Variants in ADCY9 observed in about 807,000 individuals in gnomAD.
The protein encoded by ADCY9 is adenylate cyclase type 9.
ADCY9 carries 50 observed loss-of-function variants against 101.5 expected under a neutral mutation model. The observed-to-expected ratio is 0.49, with a 90% CI of 0.39 to 0.62. The LOEUF (loss-of-function observed/expected upper bound fraction) is 0.62, where lower values mean the gene tolerates loss of function less well. ADCY9 is among the 20% of genes least tolerant of loss of function. ADCY9 has a pLI of 0.00. For synonymous variants in ADCY9, 905 were observed against 769.3 expected (o/e 1.18, Z -2.92); for missense variants, 1,662 against 1,800.4 (o/e 0.92, Z 1.39).
At position 3,963,143 on chromosome 16, in the gene ADCY9, T is replaced by TATATATATATATAC. The variant is rs1555504954; in HGVS notation, c.*2631_*2632insGTATATATATATAT. 1.3e-5 allele frequency: 2 copies of TATATATATATATAC among 157,108 alleles called. No individual in the cohort carries two copies. The highest frequency in any genetic ancestry group is 6.4e-5 in the African/African-American group (2 of 31,476). 9.7% of individuals were successfully genotyped at this position (157,108 alleles called of 1,614,324 possible). On this transcript the variant is annotated 3_prime_UTR_variant, in exon 11 of 11. Transcript: ENST00000294016. ...ATATATATATATATATATATATATA[T>TATATATATATATAC]GGATATATAATTCGATCTGAGCTGG...
rs370505891 is a variant in ADCY9, at chr16:4,028,233, C to T, written c.1694-20675G>A. ...ATTAGCAAAATAAAATTATACGTTA[C>T]CATACAATCTTGCAATTCCAATCCA... On this transcript the variant is annotated intron_variant, in intron 2 of 10. Coordinates refer to ENST00000294016, the MANE Select transcript of ADCY9 (RefSeq NM_001116.4). Among the ~76,000 whole-genome samples, 114 of 152,296 alleles carry T rather than the reference C, an allele frequency of 7.5e-4. 1 individual carries two copies. Among genetic ancestry groups the T allele is most frequent in the African/African-American group, 2.6e-3 (108 of 41,562 alleles).
intron 2 of ADCY9, among the ~76,000 whole-genome samples, chr16:4,098,345 T>C (rs772873894): frequency 2.6e-5 from 4 of 152,086 alleles, no homozygotes; most frequent in Non-Finnish European, 4.4e-5. Flanking sequence ...GTGATTCTCC[T>C]GTCTCAATTT....
intron 3 of ADCY9, among the ~76,000 whole-genome samples, chr16:4,001,419 G>A (rs2056329938): frequency 6.6e-6 from 1 of 152,222 alleles, no homozygotes; most frequent in Non-Finnish European, 1.5e-5. Context: ...TGCCGCAGAG[G>A]TGACATGCCC....
In ADCY9 at chr16:3,965,615, C is replaced by G; in HGVS notation, c.*160G>C. On this transcript the variant is annotated 3_prime_UTR_variant, in exon 11 of 11. Transcript: ENST00000294016. ...AAAGGGAAGAATGGATGAAAATGAA[C>G]CCTGAATAACTGTGATCCACACAGA... 1 of 674,348 alleles carries G rather than the reference C, an allele frequency of 1.5e-6. No homozygotes were observed. Among genetic ancestry groups the G allele is most frequent in the South Asian group, 2.0e-5 (1 of 50,452 alleles). The allele number at this position is 674,348 out of a possible 1,614,324, so 41.8% of individuals were successfully genotyped here.
At chr16:4,014,939 C>CTTTT (rs578260761) in intron 2 of ADCY9, among the ~76,000 whole-genome samples, 8,730 of 93,170 alleles carry the variant, frequency 0.094, 1,028 homozygotes, top group Non-Finnish European at 0.12. Context: ...CTGTTTTGGC[C>CTTTT]TTTTTTTTTT....
chr16:4,000,586 G>A (rs2056322805), intron 3 of ADCY9, among the ~76,000 whole-genome samples: 1 of 152,160 alleles, frequency 6.6e-6, no homozygotes, highest in Non-Finnish European at 1.5e-5. Context: ...CATCCCCAAA[G>A]CAGTAAGAAC....
chr16:4,069,778 T>C (rs2056822197), intron 2 of ADCY9, among the ~76,000 whole-genome samples: 1 of 152,184 alleles, frequency 6.6e-6, no homozygotes, highest in Non-Finnish European at 1.5e-5. Flanking sequence ...CATCAAGTTT[T>C]AGAAAATTTT....
chr16:4,099,291 G>T (rs1170202912), intron 2 of ADCY9, among the ~76,000 whole-genome samples: 1 of 152,048 alleles, frequency 6.6e-6, no homozygotes, highest in African/African-American at 2.4e-5. Flanking sequence ...CCCTCAACAG[G>T]CATTAGTGGG....
At position 3,965,700 on chromosome 16, in the gene ADCY9, A is replaced by G; in HGVS notation, c.*75T>C. ...CGGGGAGGGCAACTGTGGCGCTTGG[A>G]AAGCACAACAGCCAAATACAAATAT... is the stretch of plus-strand genomic sequence containing the variant. On this transcript the variant is annotated 3_prime_UTR_variant, in exon 11 of 11. Transcript: ENST00000294016. 1 of 1,425,064 alleles carries G rather than the reference A, an allele frequency of 7.0e-7. No homozygotes were observed. Among genetic ancestry groups the G allele is most frequent in the Non-Finnish European group, 9.6e-7 (1 of 1,043,756 alleles). The allele number at this position is 1,425,064 out of a possible 1,614,324, so 88.3% of individuals were successfully genotyped here.
rs571096536 is a variant in ADCY9 at position 3,979,158 on chromosome 16, G to A, written c.2637C>T (p.Ala879=). The A allele has an allele frequency of 3.3e-5, 53 of 1,614,190 alleles. 2 individuals carry two copies. The highest frequency in any genetic ancestry group is 2.8e-4 in the African/African-American group (21 of 75,038). ...ATTCGGAGGTGACATGGGAGTAGACGGCCAGTGCGGGAAGCGACACCAGGA... is the reference window on the plus strand; with the variant it reads ...ATTCGGAGGTGACATGGGAGTAGACAGCCAGTGCGGGAAGCGACACCAGGA... ...GAILVSLPAL[A]VYSHVTSEYE... The change falls in exon 8 of 11, where the codon GCC becomes GCT. Residue 879 remains alanine (A), a synonymous_variant. Transcript: ENST00000294016.
Position 4,082,390 on chromosome 16 carries a change from C to A in ADCY9, c.1693+31360G>T, listed in dbSNP as rs1160827720. ...GGACCCTGTCTCAAAAGAAAAAAAA[C>A]AAACAAAATTCTATGTTTTAACTAA... On this transcript the variant is annotated intron_variant, in intron 2 of 10. Transcript: ENST00000294016. 2.6e-5 allele frequency among the ~76,000 whole-genome samples: 4 copies of A among 152,146 alleles called. No individual in the cohort carries two copies. The South Asian group carries it at 6.2e-4, about 24-fold the overall frequency.
rs1162287389 is a variant in ADCY9 at position 4,036,876 on chromosome 16, C to A, written c.1694-29318G>T. On this transcript the variant is annotated intron_variant, in intron 2 of 10. Transcript: ENST00000294016. Reference sequence around the variant, plus strand: ...CTGCATGATGGTACCCTTTAACCGACTTCTCTTGACCCTTCTCCTCCCCGC... The same window carrying A: ...CTGCATGATGGTACCCTTTAACCGAATTCTCTTGACCCTTCTCCTCCCCGC... Among the ~76,000 whole-genome samples, 4 of 152,194 alleles carry A rather than the reference C, an allele frequency of 2.6e-5. No individual in the cohort carries two copies. In the East Asian group the frequency reaches 7.7e-4, roughly 29 times the overall value.
At chr16:3,967,618 C>A (rs1319114930) in intron 10 of ADCY9, among the ~76,000 whole-genome samples, 1 of 151,410 alleles carries the variant, frequency 6.6e-6, no homozygotes. Flanking sequence ...GTCTTAAACT[C>A]GTAACTTCAA....
In ADCY9 at chr16:4,113,789, C is replaced by G; in HGVS notation, c.1654G>C (p.Glu552Gln). ...GCAACCACGCTCTGGCCCAGCCGTTCAATAACTTTCCCATCTTCCATTTCG... is the reference window on the plus strand; with the variant it reads ...GCAACCACGCTCTGGCCCAGCCGTTGAATAACTTTCCCATCTTCCATTTCG... The part of the protein sequence containing the change: ...RYEMEDGKVI[E>Q]RLGQSVVADQ... The change falls in exon 2 of 11, where the codon GAA becomes CAA. Residue 552 changes from glutamate to glutamine, a missense_variant. By Grantham distance (29) the Glu-to-Gln change is conservative. This residue lies in a region of ADCY9 where 624 missense variants were observed against 639.1 expected (regional missense o/e 0.98). Transcript: ENST00000294016. The G allele has an allele frequency of 6.2e-7, 1 of 1,614,028 alleles. No individual in the cohort carries two copies.
At chr16:3,986,888 A>T (rs895395755) in intron 6 of ADCY9, among the ~76,000 whole-genome samples, 4 of 152,124 alleles carry the variant, frequency 2.6e-5, no homozygotes, top group Non-Finnish European at 5.9e-5. Flanking sequence ...GAGCTGTGTG[A>T]TCTTTGTAAC....
chr16:4,116,423 C>T lies in ADCY9; in HGVS notation c.-777G>A, dbSNP rs1410562447. Among the ~76,000 whole-genome samples the T allele has an allele frequency of 2.1e-5, 3 of 146,196 alleles. No individual in the cohort carries two copies. The highest frequency in any genetic ancestry group is 4.6e-5 in the Non-Finnish European group (3 of 65,778). ...CTGCCGCCGCCACCATCTCCGGCCCCTGCCCCGCCCGCTGTCACTGACAGA... is the reference window on the plus strand; with the variant it reads ...CTGCCGCCGCCACCATCTCCGGCCCTTGCCCCGCCCGCTGTCACTGACAGA... On this transcript the variant is annotated 5_prime_UTR_variant, in exon 1 of 11. Coordinates refer to ENST00000294016, the MANE Select transcript of ADCY9 (RefSeq NM_001116.4).
intron 2 of ADCY9, among the ~76,000 whole-genome samples, chr16:4,097,008 G>A (rs1433653198): frequency 1.3e-5 from 2 of 151,988 alleles, no homozygotes; most frequent in Non-Finnish European, 2.9e-5. Flanking sequence ...GTGTATAAAT[G>A]GTAATCAAAT....
At chr16:4,084,313 T>A (rs985798315) in intron 2 of ADCY9, among the ~76,000 whole-genome samples, 3 of 151,918 alleles carry the variant, frequency 2.0e-5, no homozygotes, top group Non-Finnish European at 2.9e-5. Flanking sequence ...GGTTTTACCA[T>A]GTTGGCCAGG....
chr16:4,108,782 T>G lies in ADCY9; in HGVS notation c.1693+4968A>C, dbSNP rs2141207564. On this transcript the variant is annotated intron_variant, in intron 2 of 10. Transcript: ENST00000294016. ...GTGCAATGGTGCAATCTTGGCTCAC[T>G]GCAACCTCCGTCTCCCAGGTTCAAG... Among the ~76,000 whole-genome samples the G allele has an allele frequency of 4.6e-5, 7 of 150,600 alleles. No homozygotes were observed. In the Middle Eastern group the frequency reaches 0.021, roughly 445 times the overall value.
Sources: gnomAD v4.1 joint callset for allele counts (sites outside exome capture counted in the v4.1 genomes callset) on GRCh38, gnomAD v4.1.1 for gene constraint, gnomAD v4.1.1 regional missense constraint, MANE v1.5 for transcripts, NCBI Gene and HGNC (gene_info 2026-07-23, HGNC 2026-07-21) for gene names.